The following CWC27 variants were observed in gnomAD, a reference collection of about 807,000 sequenced individuals.
CWC27 encodes CWC27 spliceosome associated cyclophilin.
CWC27 carries 47 observed loss-of-function variants against 63.6 expected under a neutral mutation model. The ratio of observed to expected loss-of-function variants is 0.74; its 90% CI spans 0.58 to 0.94. The LOEUF is 0.94. Ranked by LOEUF, CWC27 falls within the 40% of genes least tolerant of loss-of-function variation. CWC27 has a pLI of 0.00. For missense variants in CWC27, 495 were observed against 554.3 expected, an observed-to-expected ratio of 0.89 and a Z score of 1.07; for synonymous variants, 175 against 179.8, an observed-to-expected ratio of 0.97 and a Z score of 0.22.
At chr5:64,987,502 A>G (rs1749458818) in intron 13 of CWC27, among the ~76,000 whole-genome samples, 1 of 152,140 alleles carries the variant, frequency 6.6e-6, no homozygotes, top group East Asian at 1.9e-4. Flanking sequence ...ACTCTGTTAT[A>G]TTTACCCAGA....
chr5:64,938,401 ATTCTT>A (rs1021867362), intron 11 of CWC27, among the ~76,000 whole-genome samples: 3 of 152,252 alleles, frequency 2.0e-5, no homozygotes, highest in African/African-American at 7.2e-5. Context: ...TGGGTTGAAA[ATTCTT>A]TTCCTTAAGA....
At position 64,828,386 on chromosome 5, in the gene CWC27, C is replaced by T. The variant is rs1346891562; in HGVS notation, c.938+24000C>T. On this transcript the variant is annotated intron_variant, in intron 10 of 13. Coordinates refer to ENST00000381070, the MANE Select transcript of CWC27 (RefSeq NM_005869.4). ...CCCAGTGTCTTAGTCCGTTTGGACTCCTATAACAAAATACCATAGTCCGGC... is the reference window on the plus strand; with the variant it reads ...CCCAGTGTCTTAGTCCGTTTGGACTTCTATAACAAAATACCATAGTCCGGC... Among the ~76,000 whole-genome samples, 4 of 152,158 alleles carry T rather than the reference C, an allele frequency of 2.6e-5. No homozygotes were observed. The South Asian group carries it at 6.2e-4, about 24-fold the overall frequency.
chr5:64,895,857 G>A (rs966425448), intron 11 of CWC27, among the ~76,000 whole-genome samples: 19 of 152,086 alleles, frequency 1.2e-4, no homozygotes, highest in African/African-American at 4.3e-4. Flanking sequence ...TTGAAAGATA[G>A]CATTAAAAAA....
intron 10 of CWC27, among the ~76,000 whole-genome samples, chr5:64,805,931 G>A (rs901697723): frequency 1.3e-5 from 2 of 152,052 alleles, no homozygotes; most frequent in African/African-American, 4.8e-5. Context: ...ACCAAACATG[G>A]CATTGATAGC....
In CWC27 at chr5:64,971,792, G is replaced by A. The variant is rs1362387193; in HGVS notation, c.1132G>A (p.Gly378Arg). 2 of 1,609,204 alleles carry A rather than the reference G, an allele frequency of 1.2e-6. No homozygotes were observed. The highest frequency in any genetic ancestry group is 2.2e-5 in the South Asian group (2 of 90,088). The change falls in exon 12 of 14, where the codon GGA (glycine) becomes AGA (arginine). Residue 378 changes from glycine (G) to arginine (R), a missense_variant. Around this residue, in one of 3 missense-constraint regions of CWC27, gnomAD observed 463 missense variants for 498.1 expected, o/e 0.93. Coordinates refer to ENST00000381070, the MANE Select transcript of CWC27 (RefSeq NM_005869.4). ...EALRKQQSKK[G>R]TSREDQTLAL... The stretch of plus-strand genomic sequence containing the variant: ...TTTGAGGAAGCAACAGTCAAAGAAG[G>A]GAACTTCCCGGGAAGATCAGGTAAC...
At chr5:64,782,920 G>A (rs373006619) in intron 3 of CWC27, among the ~76,000 whole-genome samples, 8 of 152,066 alleles carry the variant, frequency 5.3e-5, no homozygotes, top group Non-Finnish European at 1.2e-4. Context: ...TAGATACTCC[G>A]TCTAGTCGGA....
At chr5:64,845,113 C>T in intron 10 of CWC27, 4 of 430,564 alleles carry the variant, frequency 9.3e-6, no homozygotes, top group Non-Finnish European at 1.4e-5. Flanking sequence ...GGAGTCTATC[C>T]AGCAGCCCCA....
At chr5:64,803,668 C>T (rs1744561181) in intron 9 of CWC27, among the ~76,000 whole-genome samples, 1 of 152,138 alleles carries the variant, frequency 6.6e-6, no homozygotes, top group African/African-American at 2.4e-5. Flanking sequence ...GAGAGAACAA[C>T]AACTCCAAAG....
chr5:64,867,086 C>A (rs1029660607), intron 10 of CWC27, among the ~76,000 whole-genome samples: 1 of 152,004 alleles, frequency 6.6e-6, no homozygotes, highest in Non-Finnish European at 1.5e-5. Context: ...TAAGAATGTT[C>A]AAAAGAAAAG....
intron 10 of CWC27, among the ~76,000 whole-genome samples, chr5:64,848,767 G>A (rs746216772): frequency 1.3e-5 from 2 of 152,092 alleles, no homozygotes; most frequent in Admixed American, 6.5e-5. Context: ...TGCAGGAAAA[G>A]CATTTGATAA....
chr5:64,821,749 A>G (rs1745202089), intron 10 of CWC27, among the ~76,000 whole-genome samples: 1 of 152,160 alleles, frequency 6.6e-6, no homozygotes, highest in South Asian at 2.1e-4. Context: ...TTGTGTTTTT[A>G]AAAGTTTAAC....
At chr5:64,776,039 C>A (rs1393102405) in intron 2 of CWC27, among the ~76,000 whole-genome samples, 3 of 146,320 alleles carry the variant, frequency 2.1e-5, no homozygotes, top group African/African-American at 7.8e-5. Flanking sequence ...CACCCCCTCT[C>A]CAAAAGAGAG....
At chr5:64,782,293 C>T (rs1288722581) in intron 3 of CWC27, among the ~76,000 whole-genome samples, 3 of 151,700 alleles carry the variant, frequency 2.0e-5, no homozygotes, top group Admixed American at 2.0e-4. Context: ...ACTAAAATTA[C>T]AAAAATTAGC....
chr5:64,989,628 T>C (rs1749497871), intron 13 of CWC27, among the ~76,000 whole-genome samples: 1 of 152,206 alleles, frequency 6.6e-6, no homozygotes, highest in Non-Finnish European at 1.5e-5. Context: ...GGGATTGGTA[T>C]TGAGAGGTGC....
intron 11 of CWC27, among the ~76,000 whole-genome samples, chr5:64,964,274 A>G (rs56190225): frequency 0.15 from 23,275 of 152,242 alleles, 1,990 homozygotes; most frequent in Non-Finnish European, 0.19. Context: ...GATGGAATTG[A>G]TGGAATTCAT....
At chr5:64,914,796 G>A (rs1398302502) in intron 11 of CWC27, among the ~76,000 whole-genome samples, 1 of 147,604 alleles carries the variant, frequency 6.8e-6, no homozygotes, top group Admixed American at 7.0e-5. Flanking sequence ...CACATGTACA[G>A]GAGTGTTCAG....
intron 2 of CWC27, among the ~76,000 whole-genome samples, chr5:64,775,445 A>G (rs1310160592): frequency 6.6e-6 from 1 of 152,144 alleles, no homozygotes; most frequent in African/African-American, 2.4e-5. Context: ...TCATTGCACT[A>G]ACCACATGGT....
chr5:64,845,736 T>C lies in CWC27; in HGVS notation c.939-39707T>C, dbSNP rs371695213. ...GAATGAAGAAAGCTTATGGGACTTA[T>C]GAGACACCATCAAGAGTTCAAACCT... On this transcript the variant is annotated intron_variant, in intron 10 of 13. Coordinates refer to ENST00000381070, the MANE Select transcript of CWC27 (RefSeq NM_005869.4). Among the ~76,000 whole-genome samples the C allele has an allele frequency of 1.2e-3, 181 of 152,262 alleles. 1 individual carries two copies. Among genetic ancestry groups the C allele is most frequent in the African/African-American group, 3.8e-3 (156 of 41,554 alleles).
intron 8 of CWC27, 72 bp downstream of exon 8, chr5:64,800,399 AG>A (rs1744448715): frequency 8.7e-7 from 1 of 1,144,704 alleles, no homozygotes; most frequent in African/African-American, 1.6e-5. Flanking sequence ...TTCTTCTGTG[AG>A]TAAACAGTCA....
Sources: gnomAD v4.1 joint callset for allele counts (sites outside exome capture counted in the v4.1 genomes callset) on GRCh38, gnomAD v4.1.1 for gene constraint, gnomAD v4.1.1 regional missense constraint, MANE v1.5 for transcripts, NCBI Gene and HGNC (gene_info 2026-07-23, HGNC 2026-07-21) for gene names.